The following NPAS3 variants were observed in gnomAD, a reference collection of about 807,000 sequenced individuals.
NPAS3 encodes neuronal PAS domain-containing protein 3.
Under a neutral mutation model 73.1 loss-of-function variants are expected in NPAS3, and 14 were observed. The observed-to-expected ratio is 0.19, with a 90% confidence interval of 0.13 to 0.30. The LOEUF (loss-of-function observed/expected upper bound fraction) is 0.30, where lower values mean the gene tolerates loss of function less well. Ranked by LOEUF, NPAS3 falls within the 10% of genes least tolerant of loss-of-function variation. The pLI is 1.00. For missense variants in NPAS3, 1,096 were observed against 1,250.0 expected (o/e 0.88, Z 1.86); for synonymous variants, 620 against 541.5 (o/e 1.14, Z -2.01).
rs940549867 is a variant in NPAS3 at position 33,544,939 on chromosome 14, G to A, written c.469-15182G>A. Among the ~76,000 whole-genome samples the A allele has an allele frequency of 3.4e-5, 5 of 148,232 alleles. No individual in the cohort carries two copies. In the South Asian group the frequency reaches 8.5e-4, roughly 25 times the overall value. On this transcript the variant is annotated intron_variant, in intron 4 of 11. Transcript: ENST00000356141. The stretch of plus-strand genomic sequence containing the variant: ...CTAGAATAGTTCTTATTTTAAAATG[G>A]TCATGCTTATAAAAATCATTTTTCT...
intron 5 of NPAS3, among the ~76,000 whole-genome samples, chr14:33,613,977 C>T (rs1360167073): frequency 6.6e-6 from 1 of 152,178 alleles, no homozygotes; most frequent in Non-Finnish European, 1.5e-5. Context: ...CTCACCATGT[C>T]CCCCATAATA....
chr14:33,359,854 G>A (rs993744660), intron 3 of NPAS3, among the ~76,000 whole-genome samples: 8 of 152,272 alleles, frequency 5.3e-5, no homozygotes, highest in Admixed American at 3.3e-4. Context: ...ATTCGTGAGC[G>A]ACACATGATA....
intron 2 of NPAS3, among the ~76,000 whole-genome samples, chr14:33,133,519 A>G (rs1192536702): frequency 1.3e-5 from 2 of 152,320 alleles, no homozygotes; most frequent in East Asian, 3.9e-4. Context: ...CTAAACTCTA[A>G]TAATTGCTAT....
Position 33,288,441 on chromosome 14 carries a change from C to T in NPAS3, c.385+73015C>T, listed in dbSNP as rs182960260. Among the ~76,000 whole-genome samples the T allele has an allele frequency of 4.0e-3, 610 of 152,064 alleles. 3 individuals carry two copies. The highest frequency in any genetic ancestry group is 5.4e-3 in the Admixed American group (83 of 15,264). On this transcript the variant is annotated intron_variant, in intron 3 of 11. Transcript: ENST00000356141. Reference sequence around the variant, plus strand: ...GGGCGAGCATGTTCCCCAGGCTGGACCAGATTGGTCACAGATGGTTATATG... The same window carrying T: ...GGGCGAGCATGTTCCCCAGGCTGGATCAGATTGGTCACAGATGGTTATATG...
intron 1 of NPAS3, among the ~76,000 whole-genome samples, chr14:32,997,211 TGCC>T (rs2038614205): frequency 6.6e-6 from 1 of 152,228 alleles, no homozygotes; most frequent in South Asian, 2.1e-4. Flanking sequence ...ATTTACCTAG[TGCC>T]TGTACCTCCA....
chr14:33,497,600 G>T (rs371632221), intron 4 of NPAS3, among the ~76,000 whole-genome samples: 1 of 152,052 alleles, frequency 6.6e-6, no homozygotes. Flanking sequence ...CATGAGGAAA[G>T]GATTACCTAT....
In NPAS3 at chr14:33,687,367, G is replaced by C. The variant is rs1322691402; in HGVS notation, c.733+10982G>C. On this transcript the variant is annotated intron_variant, in intron 6 of 11. Coordinates refer to ENST00000356141, the Ensembl canonical transcript of NPAS3. Reference sequence around the variant, plus strand: ...TTATTCAAGTATAGTGTGTGTCTTTGGTAAAATACCAGTCTGCTAGCCAGT... The same window carrying C: ...TTATTCAAGTATAGTGTGTGTCTTTCGTAAAATACCAGTCTGCTAGCCAGT... Among the ~76,000 whole-genome samples, 5 of 152,180 alleles carry C rather than the reference G, an allele frequency of 3.3e-5. No homozygotes were observed. The South Asian group carries it at 6.2e-4, about 19-fold the overall frequency.
chr14:33,377,068 T>G (rs1187230924), intron 4 of NPAS3, among the ~76,000 whole-genome samples: 1 of 152,208 alleles, frequency 6.6e-6, no homozygotes, highest in African/African-American at 2.4e-5. Context: ...ATAAATATTC[T>G]TTATTGAACA....
intron 3 of NPAS3, among the ~76,000 whole-genome samples, chr14:33,309,836 C>T (rs904455707): frequency 2.0e-4 from 31 of 152,254 alleles, no homozygotes; most frequent in African/African-American, 5.8e-4. Context: ...TGTTAAAAGG[C>T]GAATGCTCAG....
At chr14:33,692,300 G>A (rs908638630) in intron 6 of NPAS3, among the ~76,000 whole-genome samples, 3 of 152,068 alleles carry the variant, frequency 2.0e-5, no homozygotes, top group Non-Finnish European at 4.4e-5. Context: ...TCCCTCCAAT[G>A]GGTCTTGATG....
At chr14:33,149,063 T>C (rs936787624) in intron 2 of NPAS3, among the ~76,000 whole-genome samples, 1 of 152,188 alleles carries the variant, frequency 6.6e-6, no homozygotes, top group African/African-American at 2.4e-5. Flanking sequence ...ACTTTGTGAG[T>C]ACTGATGTGT....
chr14:33,598,878 A>G (rs571070538), intron 5 of NPAS3, among the ~76,000 whole-genome samples: 1 of 152,336 alleles, frequency 6.6e-6, no homozygotes, highest in East Asian at 1.9e-4. Flanking sequence ...TTAGAATGGC[A>G]TTAAATATTT....
chr14:33,301,608 TTAAC>T (rs1282721915), intron 3 of NPAS3, among the ~76,000 whole-genome samples: 2 of 152,016 alleles, frequency 1.3e-5, no homozygotes, highest in Admixed American at 1.3e-4. Flanking sequence ...GGATTTGAAT[TTAAC>T]TACATGATAG....
intron 4 of NPAS3, among the ~76,000 whole-genome samples, chr14:33,468,050 T>C (rs148529820): frequency 6.6e-6 from 1 of 152,322 alleles, no homozygotes; most frequent in African/African-American, 2.4e-5. Context: ...AATAGGGTCA[T>C]CATGCCCCCC....
chr14:33,246,537 C>CAAAA (rs56270689), intron 3 of NPAS3, among the ~76,000 whole-genome samples: 18 of 103,186 alleles, frequency 1.7e-4, no homozygotes, highest in South Asian at 3.4e-4. Flanking sequence ...GACTTCATCT[C>CAAAA]AAAAAAAAAA....
chr14:33,232,658 C>G (rs1295386522), intron 3 of NPAS3, among the ~76,000 whole-genome samples: 1 of 152,130 alleles, frequency 6.6e-6, no homozygotes. Flanking sequence ...ACAATCACTT[C>G]CCTTAGCTTT....
chr14:33,654,636 T>G (rs1043727148), intron 5 of NPAS3, among the ~76,000 whole-genome samples: 2 of 152,200 alleles, frequency 1.3e-5, no homozygotes, highest in African/African-American at 2.4e-5. Context: ...AGTTTAAAAA[T>G]TATAAACCAT....
chr14:33,395,306 C>A (rs1342950823), intron 4 of NPAS3, among the ~76,000 whole-genome samples: 2 of 151,944 alleles, frequency 1.3e-5, no homozygotes. Context: ...TTATTTTTGG[C>A]AGTTGATGAA....
At chr14:33,264,548 T>G (rs1449081662) in intron 3 of NPAS3, among the ~76,000 whole-genome samples, 2 of 152,212 alleles carry the variant, frequency 1.3e-5, no homozygotes, top group Non-Finnish European at 2.9e-5. Flanking sequence ...TAATAGTCTA[T>G]ACTCATATGA....
Sources: allele counts gnomAD v4.1 joint callset (sites outside exome capture counted in the v4.1 genomes callset), GRCh38; gene constraint gnomAD v4.1.1; transcripts MANE v1.5; gene names NCBI Gene and HGNC (gene_info 2026-07-23, HGNC 2026-07-21).